The following COBLL1 variants were observed in gnomAD, a reference collection of about 807,000 sequenced individuals.
COBLL1 encodes cordon-bleu WH2 repeat protein like 1, also known as cordon-bleu protein-like 1.
COBLL1 carries 50 observed loss-of-function variants against 94.8 expected under a neutral mutation model. That is an observed-to-expected ratio of 0.53 (90% CI 0.42 to 0.67). The LOEUF is 0.67. COBLL1 is among the 30% of genes least tolerant of loss of function. The pLI is 0.00. For missense variants in COBLL1, 1,362 were observed against 1,348.7 expected (o/e 1.01, Z -0.15); for synonymous variants, 448 against 473.8 (o/e 0.95, Z 0.71).
At chr2:164,756,004 A>T (rs1687380534) in intron 2 of COBLL1, among the ~76,000 whole-genome samples, 1 of 152,064 alleles carries the variant, frequency 6.6e-6, no homozygotes, top group Admixed American at 6.6e-5. Flanking sequence ...TATAGTACAC[A>T]CATACAAATG....
intron 2 of COBLL1, among the ~76,000 whole-genome samples, chr2:164,825,126 T>A (rs963626653): frequency 2.0e-5 from 3 of 152,216 alleles, no homozygotes; most frequent in African/African-American, 7.2e-5. Flanking sequence ...TGTCATGCAT[T>A]TAGCACAGTA....
chr2:164,715,886 A>G (rs1356439315), intron 7 of COBLL1, among the ~76,000 whole-genome samples: 2 of 152,172 alleles, frequency 1.3e-5, no homozygotes, highest in Non-Finnish European at 2.9e-5. Flanking sequence ...CCATCCCCGT[A>G]GCCAGGAGAA....
chr2:164,811,250 CA>C (rs1684443330), intron 2 of COBLL1, among the ~76,000 whole-genome samples: 1 of 151,806 alleles, frequency 6.6e-6, no homozygotes, highest in African/African-American at 2.4e-5. Context: ...CTTTCAGTAT[CA>C]TTAAATAGAG....
At chr2:164,677,223 C>A (rs573375353), downstream of COBLL1, among the ~76,000 whole-genome samples, 119 of 152,108 alleles carry the variant, frequency 7.8e-4, no homozygotes, top group African/African-American at 2.8e-3. Flanking sequence ...CTGTGCCCAT[C>A]GGAACTTGGG....
At chr2:164,737,087 C>T (rs1009855206) in intron 3 of COBLL1, among the ~76,000 whole-genome samples, 25 of 152,098 alleles carry the variant, frequency 1.6e-4, no homozygotes, top group Non-Finnish European at 3.2e-4. Context: ...CACTTGAGCC[C>T]AGAGTTTGAG....
At position 164,704,647 on chromosome 2, in the gene COBLL1, T is replaced by TA. The variant is rs750109241; in HGVS notation, c.1151-130dup. On this transcript the variant is annotated intron_variant, in intron 8 of 13. Coordinates refer to ENST00000652658, the MANE Select transcript of COBLL1 (RefSeq NM_001365672.2). ...TAGAAGCCATTTTACTATCTAGCTG[T>TA]AAAACACTAAAATCCACTTAGACTC... is the stretch of plus-strand genomic sequence containing the variant. 460 of 735,090 alleles carry TA rather than the reference T, an allele frequency of 6.3e-4. 1 individual carries two copies. The highest frequency in any genetic ancestry group is 8.4e-4 in the Non-Finnish European group (376 of 445,580). 45.5% of individuals were successfully genotyped at this position (735,090 alleles called of 1,614,324 possible).
At chr2:164,769,789 A>AC (rs146891141) in intron 2 of COBLL1, among the ~76,000 whole-genome samples, 4,445 of 151,470 alleles carry the variant, frequency 0.029, 65 homozygotes, top group South Asian at 0.035. Flanking sequence ...TGCCACATAT[A>AC]CCCCCCCCAG....
At chr2:164,663,903 T>C (rs559472758) in intron 2 of COBLL1, among the ~76,000 whole-genome samples, 11 of 152,240 alleles carry the variant, frequency 7.2e-5, no homozygotes, top group Non-Finnish European at 5.9e-5. Flanking sequence ...CAGTATACCA[T>C]TGTAACAGAT....
At chr2:164,711,522 T>C (rs750459726) in intron 7 of COBLL1, among the ~76,000 whole-genome samples, 34 of 152,288 alleles carry the variant, frequency 2.2e-4, no homozygotes, top group Admixed American at 6.5e-4. Context: ...TCTAAAAATC[T>C]CCACCTTTGA....
intron 2 of COBLL1, among the ~76,000 whole-genome samples, chr2:164,788,167 C>T (rs528976490): frequency 1.3e-5 from 2 of 152,126 alleles, no homozygotes; most frequent in African/African-American, 4.8e-5. Flanking sequence ...AAAACCCAAG[C>T]CCAGGCCAGC....
At chr2:164,722,577 C>A in intron 5 of COBLL1, 55 bp from the exon 6 acceptor site, 1 of 967,466 alleles carries the variant, frequency 1.0e-6, no homozygotes, top group Non-Finnish European at 1.5e-6. Context: ...TGTTCACTTC[C>A]AAGATTTCTT....
Position 164,704,484 on chromosome 2 carries a change from A to T in COBLL1, c.1185T>A (p.Ser395Arg). 1 of 1,613,862 alleles carries T rather than the reference A, an allele frequency of 6.2e-7. No individual in the cohort carries two copies. The highest frequency in any genetic ancestry group is 8.5e-7 in the Non-Finnish European group (1 of 1,179,728). ...CCTCAGGAGAGTTTGCTTCTGAAGCACTGTCTGGAGGAACTCCATCTACTG... is the reference window on the plus strand; with the variant it reads ...CCTCAGGAGAGTTTGCTTCTGAAGCTCTGTCTGGAGGAACTCCATCTACTG... ...LQPVDGVPPD[S>R]ASEANSPEEL... The change falls in exon 9 of 14, where the codon AGT becomes AGA. Residue 395 changes from serine to arginine, a missense_variant. By Grantham distance (110) the Ser-to-Arg change is moderately radical (BLOSUM62 -1). Coordinates refer to ENST00000652658, the MANE Select transcript of COBLL1 (RefSeq NM_001365672.2).
Position 164,730,290 on chromosome 2 carries a change from G to GACC in COBLL1, c.231-178_231-176dup, listed in dbSNP as rs1442775188. Among the ~76,000 whole-genome samples, 18 of 151,500 alleles carry GACC rather than the reference G, an allele frequency of 1.2e-4. No homozygotes were observed. The East Asian group carries it at 3.3e-3, about 28-fold the overall frequency. On this transcript the variant is annotated intron_variant, in intron 3 of 13. Transcript: ENST00000652658. ...GGACTGCTTGAGCCCAGGAGTTGGA[G>GACC]ACCAGCCTGGGCAACATGGCAAGAC...
chr2:164,702,805 C>T (rs538322313), intron 9 of COBLL1, among the ~76,000 whole-genome samples: 2 of 151,938 alleles, frequency 1.3e-5, no homozygotes, highest in Non-Finnish European at 2.9e-5. Context: ...CCACCATGCC[C>T]AGCCTCAATT....
intron 2 of COBLL1, among the ~76,000 whole-genome samples, chr2:164,767,161 T>C (rs529357397): frequency 1.3e-5 from 2 of 152,340 alleles, no homozygotes; most frequent in South Asian, 4.1e-4. Flanking sequence ...GTGTCGCTTA[T>C]GCAACAATGG....
At chr2:164,738,340 A>C (rs1225768757) in intron 3 of COBLL1, 1 of 152,234 alleles carries the variant, frequency 6.6e-6, no homozygotes, top group Non-Finnish European at 1.5e-5. Flanking sequence ...TCAATGAGGA[A>C]TAATTACCTA....
At chr2:164,764,729 T>C (rs1321442178) in intron 2 of COBLL1, among the ~76,000 whole-genome samples, 2 of 152,166 alleles carry the variant, frequency 1.3e-5, no homozygotes, top group Non-Finnish European at 2.9e-5. Flanking sequence ...AAGGGCCTCT[T>C]TCTGGCCCAA....
At chr2:164,736,554 C>T (rs1686321359) in intron 3 of COBLL1, among the ~76,000 whole-genome samples, 1 of 152,110 alleles carries the variant, frequency 6.6e-6, no homozygotes, top group Admixed American at 6.5e-5. Context: ...TGGACTCTAT[C>T]TGGTTGTTTA....
rs1199106266 is a variant in COBLL1 at position 164,694,391 on chromosome 2, T to C, written c.3001A>G (p.Lys1001Glu). 3.7e-6 allele frequency: 6 copies of C among 1,613,880 alleles called. No homozygotes were observed. The highest frequency in any genetic ancestry group is 1.3e-5 in the African/African-American group (1 of 74,896). Residue 1001 changes from lysine to glutamate, a missense_variant, in exon 12 of 14, where the codon AAA (lysine) becomes GAA (glutamate). Coordinates refer to ENST00000652658, the MANE Select transcript of COBLL1 (RefSeq NM_001365672.2). Reference protein sequence around the residue: ...AVVKRSQSFSKERTESPSASA... With the variant: ...AVVKRSQSFSEERTESPSASA... ...GCACTAGGTGACTCGGTGCGCTCTT[T>C]ACTGAAAGACTGTGACCTTTTCACT...
Sources: gnomAD v4.1 joint callset for allele counts (sites outside exome capture counted in the v4.1 genomes callset) on GRCh38, gnomAD v4.1.1 for gene constraint, MANE v1.5 for transcripts, NCBI Gene and HGNC (gene_info 2026-07-23, HGNC 2026-07-21) for gene names.